RNF182: variants seen among roughly 807,000 people sequenced by gnomAD.
RNF182 encodes ring finger protein 182, also known as E3 ubiquitin-protein ligase RNF182.
RNF182 carries 15 observed loss-of-function variants against 14.4 expected under a neutral mutation model. That is an observed-to-expected ratio of 1.04 (90% confidence interval 0.70 to 1.60). The LOEUF (loss-of-function observed/expected upper bound fraction) is 1.60, where lower values mean the gene tolerates loss of function less well. Among genes scored for constraint, RNF182 ranks in the 40% most tolerant of loss-of-function variants. The pLI is 0.00. For synonymous variants in RNF182, 128 were observed against 122.9 expected, an observed-to-expected ratio of 1.04 and a Z score of -0.27; for missense variants, 268 against 294.8, an observed-to-expected ratio of 0.91 and a Z score of 0.67.
At chr6:13,948,455 T>C (rs1290031257) in intron 1 of RNF182, among the ~76,000 whole-genome samples, 1 of 152,208 alleles carries the variant, frequency 6.6e-6, no homozygotes, top group Non-Finnish European at 1.5e-5. Flanking sequence ...TATAGTAGTT[T>C]TGCATAATTT....
At chr6:13,925,586 A>G (rs749035267) in intron 1 of RNF182, among the ~76,000 whole-genome samples, 2 of 152,184 alleles carry the variant, frequency 1.3e-5, no homozygotes, top group Non-Finnish European at 2.9e-5. Flanking sequence ...AGTTGCACCT[A>G]TAACTGGATG....
At chr6:13,959,843 G>T (rs1365829162) in intron 1 of RNF182, among the ~76,000 whole-genome samples, 1 of 152,152 alleles carries the variant, frequency 6.6e-6, no homozygotes, top group African/African-American at 2.4e-5. Flanking sequence ...TGGAGGTACT[G>T]TAAGCCCTCT....
chr6:13,951,225 A>C (rs559607133), intron 1 of RNF182, among the ~76,000 whole-genome samples: 48 of 152,296 alleles, frequency 3.2e-4, no homozygotes, highest in Non-Finnish European at 6.0e-4. Flanking sequence ...TGCCAGTTTT[A>C]AGTTTCTTAA....
intron 1 of RNF182, among the ~76,000 whole-genome samples, chr6:13,953,933 G>A (rs1759663228): frequency 6.6e-6 from 1 of 152,212 alleles, no homozygotes. Flanking sequence ...TGGTGGATGG[G>A]CAGGGGGAGA....
chr6:13,956,064 T>G (rs766091829), intron 1 of RNF182, among the ~76,000 whole-genome samples: 9 of 152,238 alleles, frequency 5.9e-5, no homozygotes, highest in African/African-American at 9.6e-5. Context: ...GTGCCTGGCT[T>G]CTTTCACTTC....
intron 1 of RNF182, among the ~76,000 whole-genome samples, chr6:13,947,505 G>A (rs1274207594): frequency 3.3e-5 from 5 of 152,122 alleles, no homozygotes; most frequent in Non-Finnish European, 7.4e-5. Flanking sequence ...TTGCCATATA[G>A]GCTCTTTTGG....
intron 1 of RNF182, among the ~76,000 whole-genome samples, chr6:13,959,732 A>C (rs948909515): frequency 1.3e-5 from 2 of 152,192 alleles, no homozygotes; most frequent in South Asian, 2.1e-4. Flanking sequence ...GCCATTTATT[A>C]AAATGGGGAA....
intron 1 of RNF182, among the ~76,000 whole-genome samples, chr6:13,966,721 C>A (rs1024916485): frequency 6.6e-6 from 1 of 152,094 alleles, no homozygotes; most frequent in African/African-American, 2.4e-5. Context: ...TGAGATCATG[C>A]CACTGCACTC....
intron 1 of RNF182, among the ~76,000 whole-genome samples, chr6:13,933,940 C>A (rs113840836): frequency 0.029 from 4,426 of 152,182 alleles, 209 homozygotes; most frequent in African/African-American, 0.1. Context: ...ATCGCTTGAA[C>A]CTGGGAGGCA....
intron 1 of RNF182, among the ~76,000 whole-genome samples, chr6:13,966,032 A>G (rs1028068405): frequency 1.4e-4 from 22 of 152,204 alleles, no homozygotes; most frequent in African/African-American, 5.3e-4. Context: ...GAGCTCAGAT[A>G]AAACAAATAC....
rs555310454 is a variant in RNF182 at position 13,947,104 on chromosome 6, C to G, written c.-367+22081C>G. ...GAACTGGGCAATTGTGGGAACCAAG[C>G]TGATATGGGGTCGCTAGCTGATTTC... On this transcript the variant is annotated intron_variant, in intron 1 of 2. Coordinates refer to ENST00000488300, the MANE Select transcript of RNF182 (RefSeq NM_152737.4). Among the ~76,000 whole-genome samples the G allele has an allele frequency of 3.3e-5, 5 of 152,264 alleles. No homozygotes were observed. In the East Asian group the frequency reaches 5.8e-4, roughly 18 times the overall value.
At chr6:13,938,117 C>T (rs1032738675) in intron 1 of RNF182, among the ~76,000 whole-genome samples, 10 of 145,078 alleles carry the variant, frequency 6.9e-5, no homozygotes, top group Non-Finnish European at 1.3e-4. Context: ...TCTCCTGCCT[C>T]GGTCTCTGCG....
chr6:13,925,280 G>A (rs1441901661), intron 1 of RNF182: 1 of 151,832 alleles, frequency 6.6e-6, no homozygotes, highest in East Asian at 2.0e-4. Context: ...CGCCCGCGCG[G>A]GCTGCACCTG....
chr6:13,965,445 A>C lies in RNF182; in HGVS notation c.-366-8765A>C, dbSNP rs140682511. 2.3e-3 allele frequency among the ~76,000 whole-genome samples: 353 copies of C among 152,338 alleles called. 3 individuals are homozygous for C. The highest frequency in any genetic ancestry group is 0.016 in the South Asian group (78 of 4,828). On this transcript the variant is annotated intron_variant, in intron 1 of 2. Transcript: ENST00000488300. Reference sequence around the variant, plus strand: ...AACAAATTTTTTGAGCTTAAAAATCAGGACTTGAGTCTGTAAATTCAAATA... The same window carrying C: ...AACAAATTTTTTGAGCTTAAAAATCCGGACTTGAGTCTGTAAATTCAAATA...
chr6:13,960,461 C>T (rs1189540345), intron 1 of RNF182, among the ~76,000 whole-genome samples: 1 of 152,096 alleles, frequency 6.6e-6, no homozygotes, highest in Non-Finnish European at 1.5e-5. Context: ...GGGCAATATA[C>T]CAAGACCCCG....
In RNF182 at chr6:13,956,635, G is replaced by A. The variant is rs141963992; in HGVS notation, c.-366-17575G>A. Among the ~76,000 whole-genome samples, 687 of 152,104 alleles carry A rather than the reference G, an allele frequency of 4.5e-3. 6 individuals carry two copies. The highest frequency in any genetic ancestry group is 0.014 in the Middle Eastern group (4 of 294). On this transcript the variant is annotated intron_variant, in intron 1 of 2. Coordinates refer to ENST00000488300, the MANE Select transcript of RNF182 (RefSeq NM_152737.4). Reference sequence around the variant, plus strand: ...CCAATGCTCCCGGCCTGTCCTTTGCGTTAGACTACTCTATAATGTTCTTTC... The same window carrying A: ...CCAATGCTCCCGGCCTGTCCTTTGCATTAGACTACTCTATAATGTTCTTTC...
At chr6:13,955,106 G>A (rs1180881189) in intron 1 of RNF182, among the ~76,000 whole-genome samples, 2 of 152,206 alleles carry the variant, frequency 1.3e-5, no homozygotes, top group African/African-American at 2.4e-5. Flanking sequence ...TATGTAAAGA[G>A]CCAGATAGTA....
At chr6:13,968,879 A>G (rs1018938067) in intron 1 of RNF182, among the ~76,000 whole-genome samples, 1 of 152,216 alleles carries the variant, frequency 6.6e-6, no homozygotes, top group African/African-American at 2.4e-5. Flanking sequence ...ATTTATTTAT[A>G]TAAATTTCTG....
At chr6:13,943,312 G>C (rs1454042332) in intron 1 of RNF182, among the ~76,000 whole-genome samples, 8 of 151,114 alleles carry the variant, frequency 5.3e-5, no homozygotes, top group African/African-American at 1.9e-4. Flanking sequence ...GTAGAAATAG[G>C]GTCTCACCGT....
Sources: allele counts gnomAD v4.1 joint callset (sites outside exome capture counted in the v4.1 genomes callset), GRCh38; gene constraint gnomAD v4.1.1; transcripts MANE v1.5; gene names NCBI Gene and HGNC (gene_info 2026-07-23, HGNC 2026-07-21).